The following EGLN2 variants were observed in gnomAD, a reference collection of about 807,000 sequenced individuals.
The protein encoded by EGLN2 is prolyl hydroxylase EGLN2.
A neutral mutation model predicts 38.2 loss-of-function variants in EGLN2; 15 were observed. The ratio of observed to expected loss-of-function variants is 0.39; its 90% CI spans 0.26 to 0.60. The LOEUF is 0.60. Ranked by LOEUF, EGLN2 falls within the 20% of genes least tolerant of loss-of-function variation. The pLI is 0.50. For synonymous variants in EGLN2, 284 were observed against 237.4 expected, an observed-to-expected ratio of 1.20 and a Z score of -1.81; for missense variants, 492 against 570.4, an observed-to-expected ratio of 0.86 and a Z score of 1.40.
In EGLN2 at chr19:40,800,407, C is replaced by T; in HGVS notation, c.-166C>T. On this transcript the variant is annotated 5_prime_UTR_variant, in exon 2 of 6. Transcript: ENST00000303961. ...GACTTGGGGACCAGCAAGCAACCCC[C>T]AGGGCACGAGAAGAGCTCTTGCTGT... is the stretch of plus-strand genomic sequence containing the variant. The T allele has an allele frequency of 9.1e-7, 1 of 1,098,098 alleles. No homozygotes were observed. Among genetic ancestry groups the T allele is most frequent in the South Asian group, 1.7e-5 (1 of 58,364 alleles). 68.0% of individuals were successfully genotyped at this position (1,098,098 alleles called of 1,614,324 possible). A position where few individuals can be genotyped will look rare whatever the true frequency, so the allele number is the denominator to read the frequency against.
chr19:40,801,182 G>A lies in EGLN2; in HGVS notation c.610G>A (p.Gly204Ser), dbSNP rs1236011156. Residue 204 changes from glycine (G) to serine (S), a missense_variant, in exon 2 of 6, where the codon GGT becomes AGT. Around this residue, in one of 2 missense-constraint regions of EGLN2, gnomAD observed 378 missense variants for 386.2 expected, o/e 0.98. Coordinates refer to ENST00000303961, the MANE Select transcript of EGLN2 (RefSeq NM_080732.4). ...CAGCTTCCTGGGGGCAGCACTGGGC[G>A]GTCGCGTGCTGGCCGAGGTGGAGGC... is the stretch of plus-strand genomic sequence containing the variant. ...KDSFLGAALG[G>S]RVLAEVEALK... 8.1e-6 allele frequency: 13 copies of A among 1,612,696 alleles called. No individual in the cohort carries two copies. Among genetic ancestry groups the A allele is most frequent in the African/African-American group, 4.0e-5 (3 of 74,946 alleles).
chr19:40,807,001 C>CA, intron 3 of EGLN2, 137 bp from the exon 4 acceptor site: 1 of 1,344,750 alleles, frequency 7.4e-7, no homozygotes, highest in Admixed American at 2.3e-5. Flanking sequence ...TCTGGGTTGT[C>CA]ATTCACTTTG....
intron 5 of EGLN2, 93 bp downstream of exon 5, chr19:40,807,644 C>T (rs1446907005): frequency 4.7e-6 from 7 of 1,488,554 alleles, no homozygotes; most frequent in Non-Finnish European, 6.5e-6. Flanking sequence ...TTGTTAAATC[C>T]CACCACTCAT....
At chr19:40,801,651 CTTTTT>C (rs58809253) in intron 2 of EGLN2, among the ~76,000 whole-genome samples, 2 of 102,716 alleles carry the variant, frequency 1.9e-5, no homozygotes, top group Non-Finnish European at 3.8e-5. Context: ...CACAGTGGTT[CTTTTT>C]TTTTTTTTTT....
chr19:40,801,381 G>A lies in EGLN2; in HGVS notation c.809G>A (p.Arg270Gln), dbSNP rs202136830. 82 of 1,608,810 alleles carry A rather than the reference G, an allele frequency of 5.1e-5. 1 individual carries two copies. The highest frequency in any genetic ancestry group is 6.3e-5 in the Non-Finnish European group (74 of 1,179,504). Residue 270 changes from arginine to glutamine, a missense_variant, in exon 2 of 6, where the codon CGG (arginine) becomes CAG (glutamine). Arg to Gln is a conservative substitution (Grantham distance 43, BLOSUM62 1). Coordinates refer to ENST00000303961, the MANE Select transcript of EGLN2 (RefSeq NM_080732.4). ...VDAVIRHCAG[R>Q]LGSYVINGRT... ...GCCGTCATCCGCCACTGCGCAGGGC[G>A]GCTGGGCAGCTATGTCATCAACGGG...
At chr19:40,807,057 T>G in intron 3 of EGLN2, 81 bp from the exon 4 acceptor site, 1 of 1,588,890 alleles carries the variant, frequency 6.3e-7, no homozygotes, top group Non-Finnish European at 8.6e-7. Flanking sequence ...ACGCTGCGCC[T>G]CCTAGTGGGC....
Sources: allele counts gnomAD v4.1 joint callset (sites outside exome capture counted in the v4.1 genomes callset), GRCh38; gene constraint gnomAD v4.1.1; regional missense constraint gnomAD v4.1.1; transcripts MANE v1.5; gene names NCBI Gene and HGNC (gene_info 2026-07-23, HGNC 2026-07-21).